Variants in CELSR1 observed in about 807,000 individuals in gnomAD.
The protein encoded by CELSR1 is cadherin EGF LAG seven-pass G-type receptor 1, also known as adhesion G protein-coupled receptor C1.
CELSR1 carries 110 observed loss-of-function variants against 249.1 expected under a neutral mutation model. The ratio of observed to expected loss-of-function variants is 0.44; its 90% CI spans 0.38 to 0.52. The LOEUF (loss-of-function observed/expected upper bound fraction) is 0.52, where lower values mean the gene tolerates loss of function less well. Among genes scored for constraint, CELSR1 ranks in the 20% least tolerant of loss-of-function variants. The pLI, the probability that CELSR1 is intolerant of heterozygous loss-of-function variation, is 0.00. For missense variants in CELSR1, 4,109 were observed against 4,296.4 expected, an observed-to-expected ratio of 0.96 and a Z score of 1.22; for synonymous variants, 2,113 against 1,900.0, an observed-to-expected ratio of 1.11 and a Z score of -2.92.
rs528699184 is a variant in CELSR1, at chr22:46,378,680, C to T, written c.7294G>A (p.Glu2432Lys). Reference protein sequence around the residue: ...GTGGWSARGCELLSRNRTHVA... With the variant: ...GTGGWSARGCKLLSRNRTHVA... ...TGTGTCCGGTTCCTGGACAGGAGCT[C>T]GCAGCCCCGGGCAGACCACCCTCCC... The change falls in exon 23 of 35, where the codon GAG becomes AAG. Residue 2432 changes from glutamate to lysine, a missense_variant. Glu to Lys is a moderately conservative substitution (Grantham distance 56). Coordinates refer to ENST00000674500, the MANE Select transcript of CELSR1 (RefSeq NM_001378328.1). 9.3e-6 allele frequency: 15 copies of T among 1,611,996 alleles called. 1 individual carries two copies. The East Asian group carries it at 1.6e-4, about 17-fold the overall frequency.
intron 23 of CELSR1, among the ~76,000 whole-genome samples, chr22:46,378,103 C>T (rs1199279417): frequency 2.0e-5 from 3 of 152,360 alleles, no homozygotes; most frequent in African/African-American, 4.8e-5. Flanking sequence ...ATTCCCAGGC[C>T]GCTTAAAATG....
At chr22:46,492,605 C>A (rs1262190191) in intron 1 of CELSR1, among the ~76,000 whole-genome samples, 1 of 151,950 alleles carries the variant, frequency 6.6e-6, no homozygotes, top group East Asian at 1.9e-4. Context: ...AGGCAGATCA[C>A]CTGAAATCAG....
chr22:46,413,552 A>G lies in CELSR1; in HGVS notation c.4612-1793T>C, dbSNP rs548508624. Among the ~76,000 whole-genome samples, 31 of 152,352 alleles carry G rather than the reference A, an allele frequency of 2.0e-4. No homozygotes were observed. Among genetic ancestry groups the G allele is most frequent in the Admixed American group, 5.9e-4 (9 of 15,308 alleles). On this transcript the variant is annotated intron_variant, in intron 5 of 34. Transcript: ENST00000674500. This position sits in a 1 kb window ranked among gnomAD's most constrained non-coding sequence, Gnocchi z 4.7. ...AGGGAATTGAGGATGATATCAACAG[A>G]GATACGTGAGTTTCCCACACGCCCT...
rs1052231960 is a variant in CELSR1, at chr22:46,380,107, A to G, written c.7256+681T>C. 6.6e-6 allele frequency among the ~76,000 whole-genome samples: 1 copy of G among 152,318 alleles called. No homozygotes were observed. Among genetic ancestry groups the G allele is most frequent in the Admixed American group, 6.5e-5 (1 of 15,304 alleles). The stretch of plus-strand genomic sequence containing the variant: ...CTGGCTCCCAGCAGACGGGAGCCAC[A>G]CTGTGGTGCTGAATCCAGTCTCACG... On this transcript the variant is annotated intron_variant, in intron 22 of 34. Coordinates refer to ENST00000674500, the MANE Select transcript of CELSR1 (RefSeq NM_001378328.1). The surrounding 1 kb of genome is among the most constrained non-coding windows in gnomAD (Gnocchi z 5.1).
At position 46,473,896 on chromosome 22, in the gene CELSR1, G is replaced by A. The variant is rs1432906770; in HGVS notation, c.3545-9551C>T. 6.6e-6 allele frequency among the ~76,000 whole-genome samples: 1 copy of A among 152,132 alleles called. No individual in the cohort carries two copies. Among genetic ancestry groups the A allele is most frequent in the African/African-American group, 2.4e-5 (1 of 41,408 alleles). ...TTGATCCTGCTACCTGAGGGCGTGT[G>A]GCTTTTCTCCTTTCTGGGCAACAAT... On this transcript the variant is annotated intron_variant, in intron 1 of 34. Coordinates refer to ENST00000674500, the MANE Select transcript of CELSR1 (RefSeq NM_001378328.1). The surrounding 1 kb of genome is among the most constrained non-coding windows in gnomAD (Gnocchi z 6.6).
intron 5 of CELSR1, among the ~76,000 whole-genome samples, chr22:46,426,649 GT>G (rs1158616033): frequency 6.6e-6 from 1 of 152,182 alleles, no homozygotes; most frequent in Non-Finnish European, 1.5e-5. Flanking sequence ...GTCCCCCAAA[GT>G]TCACGTGTTG....
rs1258461807 is a variant in CELSR1, at chr22:46,390,326, A to T, written c.6345+66T>A. The T allele has an allele frequency of 7.6e-7, 1 of 1,312,436 alleles. No individual in the cohort carries two copies. The highest frequency in any genetic ancestry group is 1.1e-6 in the Non-Finnish European group (1 of 940,374). The allele number at this position is 1,312,436 out of a possible 1,614,324, so 81.3% of individuals were successfully genotyped here. A position where few individuals can be genotyped will look rare whatever the true frequency, so the allele number is the denominator to read the frequency against. On this transcript the variant is annotated intron_variant, in intron 17 of 34. Coordinates refer to ENST00000674500, the MANE Select transcript of CELSR1 (RefSeq NM_001378328.1). The surrounding 1 kb of genome is among the most constrained non-coding windows in gnomAD (Gnocchi z 6.3). ...AGCCCAGGAGCCTCGGCCCACACAAACTCTCTCACGCATACACGAACACAC... is the reference window on the plus strand; with the variant it reads ...AGCCCAGGAGCCTCGGCCCACACAATCTCTCTCACGCATACACGAACACAC...
At chr22:46,532,670 A>G in intron 1 of CELSR1, among the ~76,000 whole-genome samples, 1 of 152,224 alleles carries the variant, frequency 6.6e-6, no homozygotes, top group East Asian at 1.9e-4. Context: ...GTTTGGGCTT[A>G]TAAATAAGGT....
chr22:46,429,454 A>G lies in CELSR1; in HGVS notation c.4611+3939T>C, dbSNP rs184673075. 3.2e-3 allele frequency among the ~76,000 whole-genome samples: 480 copies of G among 152,338 alleles called. 3 individuals carry two copies. The highest frequency in any genetic ancestry group is 5.0e-3 in the Admixed American group (76 of 15,308). On this transcript the variant is annotated intron_variant, in intron 5 of 34. Coordinates refer to ENST00000674500, the MANE Select transcript of CELSR1 (RefSeq NM_001378328.1). The surrounding 1 kb of genome is among the most constrained non-coding windows in gnomAD (Gnocchi z 4.1). ...TGTGGGCGTGGGGGCTGTGTTGTTCATCTGTGCTTGGCGGAGCGCCACACA... is the reference window on the plus strand; with the variant it reads ...TGTGGGCGTGGGGGCTGTGTTGTTCGTCTGTGCTTGGCGGAGCGCCACACA...
Position 46,413,961 on chromosome 22 carries a change from G to A in CELSR1, c.4612-2202C>T, listed in dbSNP as rs2079367314. ...GCGTAAGTAGCATTTACACTGGGAA[G>A]GCTTTCATGACATTAAGCTACTGTT... On this transcript the variant is annotated intron_variant, in intron 5 of 34. Coordinates refer to ENST00000674500, the MANE Select transcript of CELSR1 (RefSeq NM_001378328.1). The surrounding 1 kb of genome is among the most constrained non-coding windows in gnomAD (Gnocchi z 4.7). 6.6e-6 allele frequency among the ~76,000 whole-genome samples: 1 copy of A among 152,210 alleles called. No homozygotes were observed.
chr22:46,372,892 T>C lies in CELSR1; in HGVS notation c.7750A>G (p.Ile2584Val). 3 of 1,605,784 alleles carry C rather than the reference T, an allele frequency of 1.9e-6. No homozygotes were observed. The highest frequency in any genetic ancestry group is 2.2e-5 in the South Asian group (2 of 90,192). The change falls in exon 25 of 35, where the codon ATT becomes GTT. Residue 2584 changes from isoleucine (I) to valine (V), a missense_variant. Ile to Val is a conservative substitution (Grantham distance 29, BLOSUM62 3). Around this residue, in one of 7 missense-constraint regions of CELSR1, gnomAD observed 1,805 missense variants for 1,831.6 expected, o/e 0.99. Transcript: ENST00000674500. ...CTCTGTGCATCCTCACCTGTGACAATGGCCGGGATGCCCCAGCCCACGACG... is the reference window on the plus strand; with the variant it reads ...CTCTGTGCATCCTCACCTGTGACAACGGCCGGGATGCCCCAGCCCACGACG... Reference protein sequence around the residue: ...YYVVGWGIPAIVTGLAVGLDP... With the variant: ...YYVVGWGIPAVVTGLAVGLDP...
chr22:46,444,502 C>T (rs1475620750), intron 2 of CELSR1, among the ~76,000 whole-genome samples: 2 of 152,202 alleles, frequency 1.3e-5, no homozygotes, highest in East Asian at 1.9e-4. Context: ...CAGGTGTTTG[C>T]CCCTCGCTGA....
chr22:46,487,786 G>A (rs1052235439), intron 1 of CELSR1, among the ~76,000 whole-genome samples: 3 of 140,832 alleles, frequency 2.1e-5, no homozygotes, highest in East Asian at 2.2e-4. Context: ...GGGAGTCCAG[G>A]ATACTGACGG....
rs1012260429 is a variant in CELSR1 at position 46,512,479 on chromosome 22, C to T, written c.3544+21148G>A. 6.6e-5 allele frequency among the ~76,000 whole-genome samples: 10 copies of T among 152,048 alleles called. No individual in the cohort carries two copies. The highest frequency in any genetic ancestry group is 2.6e-4 in the Admixed American group (4 of 15,260). ...CCCAGCTACGTAGAAGGCTGAGGCACGAGAATTGCTTGAACCCGGGAGGCG... is the reference window on the plus strand; with the variant it reads ...CCCAGCTACGTAGAAGGCTGAGGCATGAGAATTGCTTGAACCCGGGAGGCG... On this transcript the variant is annotated intron_variant, in intron 1 of 34. Coordinates refer to ENST00000674500, the MANE Select transcript of CELSR1 (RefSeq NM_001378328.1). The surrounding 1 kb of genome is among the most constrained non-coding windows in gnomAD (Gnocchi z 5.2).
chr22:46,439,376 A>C lies in CELSR1; in HGVS notation c.4219T>G (p.Cys1407Gly). 6.2e-7 allele frequency: 1 copy of C among 1,613,618 alleles called. No homozygotes were observed. Among genetic ancestry groups the C allele is most frequent in the South Asian group, 1.1e-5 (1 of 91,050 alleles). The change falls in exon 3 of 35, where the codon TGT (cysteine) becomes GGT (glycine). Residue 1407 changes from cysteine (C) to glycine (G), a missense_variant. Around this residue, in one of 7 missense-constraint regions of CELSR1, gnomAD observed 453 missense variants for 492.0 expected, o/e 0.92. Transcript: ENST00000674500. ...CCGTTCTTGCACACCCCGTTGGCAC[A>C]GCGGCCTGAGCGGGCATCCACCTCA... ...HCEVDARSGRCANGVCKNGGT... is the reference protein window; with the variant it reads ...HCEVDARSGRGANGVCKNGGT...
At chr22:46,462,949 G>T (rs1287315992) in intron 2 of CELSR1, 1 of 465,910 alleles carries the variant, frequency 2.1e-6, no homozygotes, top group Admixed American at 2.4e-5. Flanking sequence ...GAAAAAACAG[G>T]ATTTCAAGAC....
intron 5 of CELSR1, among the ~76,000 whole-genome samples, chr22:46,415,962 C>T (rs1002886287): frequency 3.3e-5 from 5 of 152,200 alleles, no homozygotes; most frequent in Non-Finnish European, 5.9e-5. Flanking sequence ...GCGTGGAGCA[C>T]GAGGCGGCGG....
intron 1 of CELSR1, among the ~76,000 whole-genome samples, chr22:46,479,653 T>C (rs1448701128): frequency 2.6e-5 from 4 of 152,242 alleles, no homozygotes; most frequent in Admixed American, 2.0e-4. Context: ...TTAAACCTTA[T>C]TTATTTTTAA....
chr22:46,522,912 A>C (rs926048160), intron 1 of CELSR1, among the ~76,000 whole-genome samples: 1 of 152,224 alleles, frequency 6.6e-6, no homozygotes. Flanking sequence ...CTGGGAGAAC[A>C]CCTGCTCAGC....
Sources: gnomAD v4.1 joint callset for allele counts (sites outside exome capture counted in the v4.1 genomes callset) on GRCh38, gnomAD v4.1.1 for gene constraint, gnomAD v4.1.1 regional missense constraint, Gnocchi (gnomAD v3.1) non-coding constraint, MANE v1.5 for transcripts, NCBI Gene and HGNC (gene_info 2026-07-23, HGNC 2026-07-21) for gene names.